The following HMGCLL1 variants were observed in gnomAD, a reference collection of about 807,000 sequenced individuals.
The protein encoded by HMGCLL1 is 3-hydroxymethyl-3-methylglutaryl-CoA lyase, cytoplasmic.
A neutral mutation model predicts 39.1 loss-of-function variants in HMGCLL1; 36 were observed. The observed-to-expected ratio is 0.92, with a 90% CI of 0.71 to 1.22. HMGCLL1 has a LOEUF of 1.22. Among genes scored for constraint, HMGCLL1 ranks in the 50% most tolerant of loss-of-function variants. HMGCLL1 has a pLI of 0.00. For missense variants in HMGCLL1, 451 were observed against 416.5 expected, an observed-to-expected ratio of 1.08 and a Z score of -0.72; for synonymous variants, 149 against 144.0, an observed-to-expected ratio of 1.03 and a Z score of -0.25.
chr6:55,670,232 C>T, the HMGCLL1 span, among the ~76,000 whole-genome samples: 1 of 151,570 alleles, frequency 6.6e-6, no homozygotes, highest in South Asian at 2.1e-4. Context: ...ACTGTCATTC[C>T]AGAATTCTAT....
chr6:55,595,021 C>T, the HMGCLL1 span, among the ~76,000 whole-genome samples: 12 of 151,900 alleles, frequency 7.9e-5, no homozygotes, highest in African/African-American at 2.2e-4. Flanking sequence ...TTTATTTTTC[C>T]GTACAATATT....
intron 5 of HMGCLL1, among the ~76,000 whole-genome samples, chr6:55,511,220 T>A (rs1485919981): frequency 1.3e-5 from 2 of 152,240 alleles, no homozygotes; most frequent in African/African-American, 4.8e-5. Context: ...TCACATGAAC[T>A]GCACATTAAA....
chr6:55,476,911 A>C (rs1444181504), intron 7 of HMGCLL1, among the ~76,000 whole-genome samples: 1 of 149,888 alleles, frequency 6.7e-6, no homozygotes, highest in Non-Finnish European at 1.5e-5. Context: ...GACTGCATCT[A>C]ACATCACACG....
chr6:55,554,873 C>T (rs1487758698), intron 1 of HMGCLL1, among the ~76,000 whole-genome samples: 1 of 152,146 alleles, frequency 6.6e-6, no homozygotes, highest in Non-Finnish European at 1.5e-5. Context: ...TCTTCTCATA[C>T]CCTATATCAG....
chr6:55,663,650 A>G, the HMGCLL1 span, among the ~76,000 whole-genome samples: 1 of 151,740 alleles, frequency 6.6e-6, no homozygotes, highest in Non-Finnish European at 1.5e-5. Context: ...TGCATATTCT[A>G]TTGTTTTAGG....
the HMGCLL1 span, among the ~76,000 whole-genome samples, chr6:55,591,831 A>C: frequency 1.3e-5 from 2 of 151,914 alleles, no homozygotes; most frequent in Non-Finnish European, 2.9e-5. Flanking sequence ...CATTCCAAGA[A>C]CATTTTAGTT....
chr6:55,612,048 C>T, the HMGCLL1 span, among the ~76,000 whole-genome samples: 1 of 151,806 alleles, frequency 6.6e-6, no homozygotes, highest in Admixed American at 6.6e-5. Context: ...TCTAGAATAC[C>T]CCATCGTCTC....
the HMGCLL1 span, among the ~76,000 whole-genome samples, chr6:55,618,798 T>C: frequency 1.3e-5 from 2 of 152,134 alleles, no homozygotes; most frequent in Non-Finnish European, 2.9e-5. Context: ...CTAAAAATCA[T>C]TGAAAGTTAA....
chr6:55,527,917 C>T (rs1007812084), intron 3 of HMGCLL1, among the ~76,000 whole-genome samples: 1 of 151,962 alleles, frequency 6.6e-6, no homozygotes, highest in African/African-American at 2.4e-5. Context: ...TTTATTGGTA[C>T]ATCCATAAGA....
the HMGCLL1 span, among the ~76,000 whole-genome samples, chr6:55,623,736 A>G: frequency 4.0e-5 from 6 of 151,214 alleles, no homozygotes; most frequent in African/African-American, 1.5e-4. Context: ...TGCATATGAT[A>G]TATATGTGTG....
chr6:55,487,214 A>T (rs1395352779), intron 7 of HMGCLL1, among the ~76,000 whole-genome samples: 1 of 151,010 alleles, frequency 6.6e-6, no homozygotes, highest in Non-Finnish European at 1.5e-5. Context: ...TTTTTTTTAC[A>T]ATTTGTGTGC....
chr6:55,497,280 C>T (rs1297231987), intron 6 of HMGCLL1, among the ~76,000 whole-genome samples: 1 of 151,822 alleles, frequency 6.6e-6, no homozygotes, highest in Admixed American at 6.6e-5. Context: ...CAACAAAACA[C>T]CTTCTTTTAG....
the HMGCLL1 span, among the ~76,000 whole-genome samples, chr6:55,587,449 A>G: frequency 3.9e-5 from 6 of 152,150 alleles, no homozygotes; most frequent in African/African-American, 1.4e-4. Context: ...ACCGGAAAAT[A>G]TGCCAAATTG....
At chr6:55,626,732 C>T in the HMGCLL1 span, among the ~76,000 whole-genome samples, 15 of 152,000 alleles carry the variant, frequency 9.9e-5, no homozygotes, top group Non-Finnish European at 1.6e-4. Flanking sequence ...TGAGGAGACA[C>T]AACAATGATT....
upstream of HMGCLL1, among the ~76,000 whole-genome samples, chr6:55,581,656 T>C (rs1336530890): frequency 6.6e-6 from 1 of 152,054 alleles, no homozygotes; most frequent in African/African-American, 2.4e-5. Flanking sequence ...TTGTGGAAGG[T>C]TCTATAGTTC....
the HMGCLL1 span, among the ~76,000 whole-genome samples, chr6:55,639,459 T>C: frequency 6.6e-6 from 1 of 151,400 alleles, no homozygotes; most frequent in South Asian, 2.1e-4. Flanking sequence ...CAAATACTCA[T>C]ATTTCTTGTC....
chr6:55,546,010 C>T (rs1769944352), intron 1 of HMGCLL1, among the ~76,000 whole-genome samples: 1 of 152,118 alleles, frequency 6.6e-6, no homozygotes, highest in Admixed American at 6.6e-5. Context: ...GGGCTGTAGG[C>T]ATACCTGCCC....
At chr6:55,487,277 G>C (rs952171471) in intron 7 of HMGCLL1, among the ~76,000 whole-genome samples, 1 of 151,522 alleles carries the variant, frequency 6.6e-6, no homozygotes, top group African/African-American at 2.4e-5. Flanking sequence ...TAAAAAGTTT[G>C]TCAATTTTGT....
intron 7 of HMGCLL1, among the ~76,000 whole-genome samples, chr6:55,443,625 A>G (rs927596837): frequency 6.6e-6 from 1 of 152,132 alleles, no homozygotes; most frequent in African/African-American, 2.4e-5. Context: ...ACCACAGAGG[A>G]ACAATAAATG....
Sources: gnomAD v4.1 joint callset for allele counts (sites outside exome capture counted in the v4.1 genomes callset) on GRCh38, gnomAD v4.1.1 for gene constraint, MANE v1.5 for transcripts, NCBI Gene and HGNC (gene_info 2026-07-23, HGNC 2026-07-21) for gene names.